Variants in TNR observed in about 807,000 individuals in gnomAD.
TNR encodes the protein tenascin-R.
A neutral mutation model predicts 150.4 loss-of-function variants in TNR; 45 were observed. The observed-to-expected ratio is 0.30, with a 90% CI of 0.24 to 0.38. TNR has a LOEUF of 0.38. Among genes scored for constraint, TNR ranks in the 10% least tolerant of loss-of-function variants. The pLI is 1.00. For missense variants in TNR, 1,544 were observed against 1,759.1 expected (o/e 0.88, Z 2.19); for synonymous variants, 687 against 678.4 (o/e 1.01, Z -0.20).
intron 20 of TNR, among the ~76,000 whole-genome samples, chr1:175,331,229 C>T (rs1423689179): frequency 2.9e-5 from 4 of 136,098 alleles, no homozygotes; most frequent in Admixed American, 2.3e-4. Flanking sequence ...TTCTTTCCTG[C>T]CTCCCCTCCT....
rs1013231165 is a variant in TNR, at chr1:175,584,169, C to A, written c.-164-55800G>T. Among the ~76,000 whole-genome samples the A allele has an allele frequency of 7.2e-5, 11 of 152,240 alleles. No homozygotes were observed. In the South Asian group the frequency reaches 1.0e-3, roughly 14 times the overall value. On this transcript the variant is annotated intron_variant, in intron 1 of 22. Coordinates refer to ENST00000367674, the MANE Select transcript of TNR (RefSeq NM_003285.3). ...GAGACAGGATTTTAACAGAGGTAAC[C>A]CAATTAAAATGAGGTAATTGGGGTA...
At chr1:175,726,667 G>A (rs2861559) in intron 1 of TNR, among the ~76,000 whole-genome samples, 99,042 of 152,172 alleles carry the variant, frequency 0.65, 33,086 homozygotes, top group South Asian at 0.79. Context: ...CTGCATTTGA[G>A]GTTTAGACTT....
intron 3 of TNR, among the ~76,000 whole-genome samples, 181 bp downstream of exon 3, chr1:175,406,035 C>T (rs1453806723): frequency 6.6e-6 from 1 of 152,164 alleles, no homozygotes; most frequent in Non-Finnish European, 1.5e-5. Flanking sequence ...ATCTTAGAGA[C>T]ATATTAACCG....
chr1:175,643,683 A>T (rs1664731472), intron 1 of TNR, among the ~76,000 whole-genome samples: 1 of 152,166 alleles, frequency 6.6e-6, no homozygotes. Flanking sequence ...TCCTCTTTTC[A>T]TTTTCTTTTC....
chr1:175,616,148 C>T (rs1403880313), intron 1 of TNR, among the ~76,000 whole-genome samples: 12 of 152,164 alleles, frequency 7.9e-5, no homozygotes, highest in African/African-American at 1.7e-4. Context: ...TTTCCCCATG[C>T]GACCCTAAAG....
intron 1 of TNR, among the ~76,000 whole-genome samples, chr1:175,668,981 G>A (rs952080474): frequency 2.0e-5 from 3 of 152,184 alleles, no homozygotes; most frequent in Non-Finnish European, 2.9e-5. Flanking sequence ...TCTACAAGGA[G>A]GATGATTTCC....
chr1:175,471,675 G>C (rs1262768118), intron 2 of TNR, among the ~76,000 whole-genome samples: 1 of 152,204 alleles, frequency 6.6e-6, no homozygotes, highest in African/African-American at 2.4e-5. Context: ...AGTGGTGAGT[G>C]AATGTGGAGG....
intron 1 of TNR, among the ~76,000 whole-genome samples, chr1:175,736,949 A>G (rs1667789414): frequency 6.6e-6 from 1 of 152,104 alleles, no homozygotes. Context: ...TGAGTCCAGG[A>G]GGTAGAGTCT....
At position 175,713,047 on chromosome 1, in the gene TNR, T is replaced by C. The variant is rs989858126; in HGVS notation, c.-165+30179A>G. ...GGAGAAGAGTCAGGACCTGAGTCCA[T>C]AAGGAGCCTCGCAGGCCAGTGCAAA... On this transcript the variant is annotated intron_variant, in intron 1 of 22. Transcript: ENST00000367674. Among the ~76,000 whole-genome samples the C allele has an allele frequency of 3.9e-5, 6 of 152,134 alleles. No individual in the cohort carries two copies. In the East Asian group the frequency reaches 1.2e-3, roughly 29 times the overall value.
At chr1:175,359,796 T>C in intron 14 of TNR, 65 bp from the exon 15 acceptor site, 1 of 1,539,038 alleles carries the variant, frequency 6.5e-7, no homozygotes, top group Admixed American at 2.0e-5. Context: ...CAGGGAATGA[T>C]CTCAGAAGTT....
chr1:175,454,238 A>G (rs1656457551), intron 2 of TNR, among the ~76,000 whole-genome samples: 1 of 152,196 alleles, frequency 6.6e-6, no homozygotes, highest in Non-Finnish European at 1.5e-5. Flanking sequence ...TCCCATTGTT[A>G]GAATCATTCA....
intron 1 of TNR, among the ~76,000 whole-genome samples, chr1:175,644,953 A>G (rs1664767612): frequency 6.6e-6 from 1 of 152,148 alleles, no homozygotes; most frequent in South Asian, 2.1e-4. Context: ...TTTTTTTTAC[A>G]TGATTTAAGC....
At chr1:175,357,078 A>T (rs764743709) in intron 15 of TNR, among the ~76,000 whole-genome samples, 3 of 151,602 alleles carry the variant, frequency 2.0e-5, no homozygotes, top group Non-Finnish European at 4.4e-5. Context: ...CTTTGTAACC[A>T]CTCCCCCTAC....
At chr1:175,736,213 CAAA>C (rs532300322) in intron 1 of TNR, among the ~76,000 whole-genome samples, 1 of 151,622 alleles carries the variant, frequency 6.6e-6, no homozygotes, top group Non-Finnish European at 1.5e-5. Context: ...TTAATTCTCA[CAAA>C]AAAAACTTAA....
chr1:175,431,932 T>TTCTCTCTCTCTCTCTCTCTCTCTCTCTCC (rs1655287756), intron 2 of TNR, among the ~76,000 whole-genome samples: 1 of 92,228 alleles, frequency 1.1e-5, no homozygotes, highest in Non-Finnish European at 2.4e-5. Context: ...TCTCTCTCTC[T>TTCTCTCTCTCTCTCTCTCTCTCTCTCTCC]CTCCCTCTGT....
intron 20 of TNR, 105 bp from the exon 21 acceptor site, chr1:175,330,340 G>A: frequency 2.6e-6 from 3 of 1,166,880 alleles, no homozygotes; most frequent in Non-Finnish European, 3.5e-6. Flanking sequence ...GGAAGAGGAG[G>A]GGACTCCAGA....
At chr1:175,596,917 T>A (rs1286158190) in intron 1 of TNR, among the ~76,000 whole-genome samples, 2 of 152,216 alleles carry the variant, frequency 1.3e-5, no homozygotes, top group Non-Finnish European at 2.9e-5. Flanking sequence ...CCCAAAACAT[T>A]TCACCTCTGA....
In TNR at chr1:175,321,492, T is replaced by C. The variant is rs1649048451; in HGVS notation, c.*1865A>G. ...ACACACTGCTCTGGTCAGACAAACATAGGCACTACAGAAAATGGTGCTGGG... is the reference window on the plus strand; with the variant it reads ...ACACACTGCTCTGGTCAGACAAACACAGGCACTACAGAAAATGGTGCTGGG... On this transcript the variant is annotated 3_prime_UTR_variant, in exon 23 of 23. Coordinates refer to ENST00000367674, the MANE Select transcript of TNR (RefSeq NM_003285.3). 1 of 152,340 alleles carries C rather than the reference T, an allele frequency of 6.6e-6. No homozygotes were observed. The highest frequency in any genetic ancestry group is 1.9e-4 in the East Asian group (1 of 5,194). The allele number at this position is 152,340 out of a possible 1,614,324, so 9.4% of individuals were successfully genotyped here.
intron 1 of TNR, among the ~76,000 whole-genome samples, chr1:175,593,136 A>G (rs911899980): frequency 4.6e-5 from 7 of 152,220 alleles, no homozygotes; most frequent in African/African-American, 1.4e-4. Flanking sequence ...GGGCATTAAG[A>G]GTAGCAATCT....
Sources: allele counts gnomAD v4.1 joint callset (sites outside exome capture counted in the v4.1 genomes callset), GRCh38; gene constraint gnomAD v4.1.1; transcripts MANE v1.5; gene names NCBI Gene and HGNC (gene_info 2026-07-23, HGNC 2026-07-21).